The following SPHKAP variants were observed in gnomAD, a reference collection of about 807,000 sequenced individuals.
SPHKAP encodes the protein A-kinase anchor protein SPHKAP.
SPHKAP carries 67 observed loss-of-function variants against 137.5 expected under a neutral mutation model. That is an observed-to-expected ratio of 0.49 (90% CI 0.40 to 0.60). SPHKAP has a LOEUF of 0.60. Ranked by LOEUF, SPHKAP falls within the 20% of genes least tolerant of loss-of-function variation. The pLI, the probability that SPHKAP is intolerant of heterozygous loss-of-function variation, is 0.00. For synonymous variants in SPHKAP, 813 were observed against 785.3 expected, an observed-to-expected ratio of 1.04 and a Z score of -0.59; for missense variants, 2,097 against 2,069.3, an observed-to-expected ratio of 1.01 and a Z score of -0.26.
At chr2:228,002,742 G>T (rs1436979790) in intron 7 of SPHKAP, among the ~76,000 whole-genome samples, 2 of 152,104 alleles carry the variant, frequency 1.3e-5, no homozygotes, top group Non-Finnish European at 2.9e-5. Context: ...ATTAATTTTT[G>T]TATAAGGTGT....
chr2:228,114,606 A>G (rs1698645824), intron 2 of SPHKAP, among the ~76,000 whole-genome samples: 1 of 152,194 alleles, frequency 6.6e-6, no homozygotes. Flanking sequence ...ACATGCTTGT[A>G]AAGGGCTAGC....
chr2:228,044,284 A>G (rs1398522102), intron 3 of SPHKAP, among the ~76,000 whole-genome samples: 1 of 152,224 alleles, frequency 6.6e-6, no homozygotes, highest in Non-Finnish European at 1.5e-5. Context: ...CTACATAGGG[A>G]AGTAGAAAAA....
rs1694599931 is a variant in SPHKAP, at chr2:228,016,546, T to C, written c.4308A>G (p.Arg1436=). ...VPLIQIETDQ[R]EACAGEPEPF... is the part of the protein sequence containing the mutation. ...GTTCAGGTTCCCCAGCACAGGCTTC[T>C]CTCTGATCTGTTTCAATCTGAATCA... Residue 1436 remains arginine (R), a synonymous_variant, in exon 7 of 12, where the codon AGA becomes AGG. Transcript: ENST00000392056. 6.2e-7 allele frequency: 1 copy of C among 1,614,134 alleles called. No homozygotes were observed. Among genetic ancestry groups the C allele is most frequent in the South Asian group, 1.1e-5 (1 of 91,080 alleles).
At chr2:228,041,079 T>C (rs143667232) in intron 3 of SPHKAP, among the ~76,000 whole-genome samples, 1 of 152,188 alleles carries the variant, frequency 6.6e-6, no homozygotes, top group African/African-American at 2.4e-5. Context: ...AATTAACATA[T>C]TAAAAATACA....
intron 3 of SPHKAP, among the ~76,000 whole-genome samples, chr2:228,087,645 A>G (rs1276917954): frequency 1.3e-5 from 2 of 152,216 alleles, no homozygotes; most frequent in East Asian, 3.8e-4. Context: ...TGGAATTGAA[A>G]AGTATAATAA....
intron 3 of SPHKAP, among the ~76,000 whole-genome samples, chr2:228,084,350 C>T (rs72973775): frequency 0.066 from 10,021 of 152,022 alleles, 486 homozygotes; most frequent in Middle Eastern, 0.21. Flanking sequence ...GACTACAAAC[C>T]GAAAGGTCAT....
chr2:227,987,929 C>A (rs1167785025), intron 11 of SPHKAP, among the ~76,000 whole-genome samples: 1 of 152,144 alleles, frequency 6.6e-6, no homozygotes, highest in Non-Finnish European at 1.5e-5. Flanking sequence ...TTGTCCAATA[C>A]CCTAGTGACA....
At chr2:228,037,156 A>G (rs1046271234) in intron 3 of SPHKAP, among the ~76,000 whole-genome samples, 5 of 152,100 alleles carry the variant, frequency 3.3e-5, no homozygotes, top group Non-Finnish European at 5.9e-5. Context: ...GTACCTTTAC[A>G]GTTTTGTACT....
chr2:228,080,392 A>G (rs1310300794), intron 3 of SPHKAP, among the ~76,000 whole-genome samples: 1 of 152,242 alleles, frequency 6.6e-6, no homozygotes, highest in Non-Finnish European at 1.5e-5. Flanking sequence ...AACATTCCTA[A>G]TAATCAGAGA....
chr2:228,117,406 A>G (rs1435638956), intron 2 of SPHKAP, among the ~76,000 whole-genome samples: 2 of 152,108 alleles, frequency 1.3e-5, no homozygotes, highest in Non-Finnish European at 2.9e-5. Context: ...CATCACTCAG[A>G]GGAGACTCTC....
intron 3 of SPHKAP, among the ~76,000 whole-genome samples, chr2:228,100,250 T>G (rs1698148460): frequency 6.6e-6 from 1 of 152,216 alleles, no homozygotes; most frequent in African/African-American, 2.4e-5. Flanking sequence ...CTTTAGAATT[T>G]TCTAGGTATA....
At chr2:228,137,335 A>G (rs775115678) in intron 1 of SPHKAP, among the ~76,000 whole-genome samples, 3 of 152,190 alleles carry the variant, frequency 2.0e-5, no homozygotes, top group Non-Finnish European at 4.4e-5. Flanking sequence ...ATCCTGGTTA[A>G]CCTCAAAAAT....
intron 7 of SPHKAP, among the ~76,000 whole-genome samples, chr2:228,002,126 A>G (rs1693931367): frequency 1.3e-5 from 2 of 152,134 alleles, no homozygotes; most frequent in South Asian, 2.1e-4. Context: ...CTAGTTCTAG[A>G]TCCCTGAGGA....
chr2:228,145,509 G>A (rs1699749620), intron 1 of SPHKAP, among the ~76,000 whole-genome samples: 1 of 152,040 alleles, frequency 6.6e-6, no homozygotes, highest in African/African-American at 2.4e-5. Context: ...AGGTGATTTT[G>A]GCTCCCATTT....
At position 228,073,655 on chromosome 2, in the gene SPHKAP, G is replaced by A. The variant is rs1037097119; in HGVS notation, c.246+35177C>T. ...TTTAAACTGTGCTGCAACCTTTTCC[G>A]AATTAAATCAACACATCAATAATCA... On this transcript the variant is annotated intron_variant, in intron 3 of 11. Transcript: ENST00000392056. Among the ~76,000 whole-genome samples the A allele has an allele frequency of 8.5e-5, 13 of 152,110 alleles. No individual in the cohort carries two copies. In the South Asian group the frequency reaches 1.7e-3, roughly 19 times the overall value.
chr2:228,110,489 G>A (rs548319955), intron 2 of SPHKAP, among the ~76,000 whole-genome samples: 4 of 152,256 alleles, frequency 2.6e-5, no homozygotes, highest in East Asian at 1.9e-4. Flanking sequence ...GCAGACTGAC[G>A]TTGGCTAGGG....
chr2:228,092,724 G>T (rs1394697188), intron 3 of SPHKAP, among the ~76,000 whole-genome samples: 1 of 150,386 alleles, frequency 6.6e-6, no homozygotes. Flanking sequence ...ACACTACTCA[G>T]CCATAAAAAG....
intron 3 of SPHKAP, among the ~76,000 whole-genome samples, chr2:228,028,670 A>G (rs1199943432): frequency 2.0e-5 from 3 of 152,222 alleles, no homozygotes; most frequent in Non-Finnish European, 4.4e-5. Flanking sequence ...CATGCTGTAC[A>G]GGTTTATAGC....
At chr2:228,044,895 T>G (rs1695977985) in intron 3 of SPHKAP, among the ~76,000 whole-genome samples, 1 of 151,980 alleles carries the variant, frequency 6.6e-6, no homozygotes, top group Non-Finnish European at 1.5e-5. Flanking sequence ...TCAAACAAAT[T>G]TACAAGAAAA....
Sources: gnomAD v4.1 joint callset for allele counts (sites outside exome capture counted in the v4.1 genomes callset) on GRCh38, gnomAD v4.1.1 for gene constraint, MANE v1.5 for transcripts, NCBI Gene and HGNC (gene_info 2026-07-23, HGNC 2026-07-21) for gene names.